PCDHA7: variants seen among roughly 807,000 people sequenced by gnomAD.
PCDHA7 encodes protocadherin alpha-7.
A neutral mutation model predicts 57.2 loss-of-function variants in PCDHA7; 37 were observed. The ratio of observed to expected loss-of-function variants is 0.65; its 90% CI spans 0.50 to 0.85. PCDHA7 has a LOEUF of 0.85. PCDHA7 is among the 40% of genes least tolerant of loss of function. PCDHA7 has a pLI of 0.00. For synonymous variants in PCDHA7, 553 were observed against 558.8 expected, an observed-to-expected ratio of 0.99 and a Z score of 0.15; for missense variants, 1,188 against 1,241.8, an observed-to-expected ratio of 0.96 and a Z score of 0.65.
intron 3 of PCDHA7, among the ~76,000 whole-genome samples, chr5:140,985,992 G>A (rs1173402846): frequency 3.3e-5 from 5 of 152,068 alleles, no homozygotes; most frequent in African/African-American, 4.8e-5. Context: ...GCCCACCTCA[G>A]CCTCCCAAAG....
At chr5:140,904,164 T>A (rs1475689291) in intron 1 of PCDHA7, among the ~76,000 whole-genome samples, 2 of 152,078 alleles carry the variant, frequency 1.3e-5, no homozygotes, top group South Asian at 4.1e-4. Flanking sequence ...CAGTTTGTAG[T>A]CTTTTATTCC....
At chr5:140,869,179 G>A (rs782530772) in intron 1 of PCDHA7, 12 of 1,613,988 alleles carry the variant, frequency 7.4e-6, no homozygotes, top group Middle Eastern at 1.7e-4. Context: ...ATTCTGGGAG[G>A]TGGGGAGCGG....
At chr5:140,875,654 C>G in intron 1 of PCDHA7, 2 of 1,613,702 alleles carry the variant, frequency 1.2e-6, no homozygotes, top group Non-Finnish European at 8.5e-7. Flanking sequence ...GAGCTGGTGC[C>G]GCGCCTGTTC....
chr5:140,927,495 G>C (rs111935715), intron 1 of PCDHA7: 2 of 1,614,128 alleles, frequency 1.2e-6, no homozygotes, highest in African/African-American at 1.3e-5. Context: ...CCCACCTGCT[G>C]GTGCTTACAG....
chr5:140,849,959 C>G lies in PCDHA7; in HGVS notation c.2355+13221C>G, dbSNP rs2150460444. On this transcript the variant is annotated intron_variant, in intron 1 of 3. Transcript: ENST00000525929. ...GGGACGCTGACGCGCAGGAGAACGC[C>G]CTGGTGTCCTACTCGCTGGTGGAGC... 52 of 1,597,872 alleles carry G rather than the reference C, an allele frequency of 3.3e-5. 2 individuals are homozygous for G. Among genetic ancestry groups the G allele is most frequent in the African/African-American group, 2.7e-4 (20 of 74,536 alleles).
intron 1 of PCDHA7, chr5:140,852,935 G>A: frequency 1.6e-6 from 1 of 611,692 alleles, no homozygotes; most frequent in Non-Finnish European, 2.1e-6. Flanking sequence ...CTGGAGTGCA[G>A]TGGTGCCATC....
chr5:140,834,733 T>A lies in PCDHA7; in HGVS notation c.350T>A (p.Phe117Tyr). The A allele has an allele frequency of 6.2e-7, 1 of 1,614,226 alleles. No homozygotes were observed. The highest frequency in any genetic ancestry group is 1.7e-5 in the Admixed American group (1 of 60,022). ...ATCGTGGAAAGGCCGCTGCAGGTTTTCCATGTGGACGTGGAGGTGAAGGAC... is the reference window on the plus strand; with the variant it reads ...ATCGTGGAAAGGCCGCTGCAGGTTTACCATGTGGACGTGGAGGTGAAGGAC... The part of the protein sequence containing the change: ...EVIVERPLQV[F>Y]HVDVEVKDIN... Residue 117 changes from phenylalanine (F) to tyrosine (Y), a missense_variant, in exon 1 of 4, where the codon TTC becomes TAC. This residue lies in a region of PCDHA7 where 194 missense variants were observed against 185.8 expected (regional missense o/e 1.04). Coordinates refer to ENST00000525929, the MANE Select transcript of PCDHA7 (RefSeq NM_018910.3).
intron 1 of PCDHA7, chr5:140,871,426 C>T (rs1554165586): frequency 1.2e-6 from 2 of 1,613,320 alleles, no homozygotes; most frequent in Non-Finnish European, 8.5e-7. Context: ...CAGCCCCAGT[C>T]TTCCTCTAGG....
intron 1 of PCDHA7, chr5:140,862,144 C>G (rs2047225935): frequency 1.2e-5 from 2 of 162,888 alleles, no homozygotes; most frequent in South Asian, 1.7e-4. Context: ...TTTGAGGAAA[C>G]TAAATAATGA....
rs2150245230 is a variant in PCDHA7, at chr5:140,835,805, C to T, written c.1422C>T (p.Ile474=). Residue 474 remains isoleucine (I), a synonymous_variant, in exon 1 of 4, where the codon ATC becomes ATT. Coordinates refer to ENST00000525929, the MANE Select transcript of PCDHA7 (RefSeq NM_018910.3). ...AGAACAACCCGCCGGGCTGCCACATCTTCACTGTGTCGGCGGGGGACGCGG... is the reference window on the plus strand; with the variant it reads ...AGAACAACCCGCCGGGCTGCCACATTTTCACTGTGTCGGCGGGGGACGCGG... ...VKENNPPGCH[I]FTVSAGDADA... is the part of the protein sequence containing the mutation. 1.9e-6 allele frequency: 3 copies of T among 1,613,062 alleles called. No individual in the cohort carries two copies. Among genetic ancestry groups the T allele is most frequent in the Non-Finnish European group, 2.5e-6 (3 of 1,179,740 alleles).
At chr5:140,914,451 C>A (rs879984519) in intron 1 of PCDHA7, among the ~76,000 whole-genome samples, 1 of 152,094 alleles carries the variant, frequency 6.6e-6, no homozygotes, top group Non-Finnish European at 1.5e-5. Context: ...TCTTTATTTT[C>A]CAGTCTATGT....
intron 1 of PCDHA7, among the ~76,000 whole-genome samples, chr5:140,891,366 T>C (rs1261887556): frequency 6.6e-6 from 1 of 152,168 alleles, no homozygotes; most frequent in Non-Finnish European, 1.5e-5. Flanking sequence ...CTGAGCAGTA[T>C]ACATTGCACC....
intron 1 of PCDHA7, among the ~76,000 whole-genome samples, chr5:140,938,097 A>AT (rs775272450): frequency 6.6e-6 from 1 of 151,930 alleles, no homozygotes; most frequent in Non-Finnish European, 1.5e-5. Flanking sequence ...TTATTATTGT[A>AT]TTTTTTACTT....
rs142720081 is a variant in PCDHA7, at chr5:141,009,771, T to G, written c.2648T>G (p.Ile883Ser). 1 of 1,614,082 alleles carries G rather than the reference T, an allele frequency of 6.2e-7. No individual in the cohort carries two copies. The change falls in exon 4 of 4, where the codon ATC becomes AGC. Residue 883 changes from isoleucine to serine, a missense_variant. Physicochemically the swap from Ile to Ser is moderately radical, Grantham distance 142. Transcript: ENST00000525929. ...DKFIIPGSPA[I>S]ISIRQEPTNS... ...TTCATTATCCCAGGATCTCCTGCAA[T>G]CATCTCCATCCGGCAGGAGCCTACT...
chr5:140,909,454 C>G (rs1317276726), intron 1 of PCDHA7, among the ~76,000 whole-genome samples: 2 of 152,190 alleles, frequency 1.3e-5, no homozygotes, highest in African/African-American at 4.8e-5. Flanking sequence ...TCTCCAAGAT[C>G]CATCTGTCTT....
intron 1 of PCDHA7, chr5:140,842,219 G>C: frequency 1.9e-6 from 3 of 1,613,252 alleles, no homozygotes; most frequent in Non-Finnish European, 2.5e-6. Context: ...TCGAAATACG[G>C]GAGAAATAGT....
intron 1 of PCDHA7, among the ~76,000 whole-genome samples, chr5:140,891,792 G>A (rs2063250974): frequency 6.6e-6 from 1 of 152,152 alleles, no homozygotes; most frequent in Non-Finnish European, 1.5e-5. Flanking sequence ...TAGATTATGA[G>A]GGATCTGCCC....
At chr5:140,856,833 G>A (rs1554149194) in intron 1 of PCDHA7, 3 of 1,591,548 alleles carry the variant, frequency 1.9e-6, no homozygotes, top group African/African-American at 2.7e-5. Flanking sequence ...TTAGTAATAC[G>A]GCTCAACGCT....
chr5:140,914,619 T>G (rs1554196515), intron 1 of PCDHA7, among the ~76,000 whole-genome samples: 1 of 152,194 alleles, frequency 6.6e-6, no homozygotes, highest in African/African-American at 2.4e-5. Context: ...TTTTGTAATT[T>G]GTTTTCTCGT....
Sources: allele counts gnomAD v4.1 joint callset (sites outside exome capture counted in the v4.1 genomes callset), GRCh38; gene constraint gnomAD v4.1.1; regional missense constraint gnomAD v4.1.1; transcripts MANE v1.5; gene names NCBI Gene and HGNC (gene_info 2026-07-23, HGNC 2026-07-21).